Variants in HAP1 observed in about 807,000 individuals in gnomAD.
HAP1 encodes huntingtin associated protein 1, also known as huntingtin-associated protein 1.
A neutral mutation model predicts 60.3 loss-of-function variants in HAP1; 59 were observed. That is an observed-to-expected ratio of 0.98 (90% CI 0.79 to 1.22). The LOEUF is 1.22. HAP1 is among the 50% of genes most tolerant of loss of function. The probability of loss-of-function intolerance (pLI) is 0.00; values close to 1 mark genes in which losing one functional copy is unlikely to be tolerated. For missense variants in HAP1, 825 were observed against 785.3 expected (o/e 1.05, Z -0.60); for synonymous variants, 346 against 330.6 (o/e 1.05, Z -0.50).
At chr17:41,729,762 G>C (rs1185135240) in intron 6 of HAP1, among the ~76,000 whole-genome samples, 3 of 149,132 alleles carry the variant, frequency 2.0e-5, no homozygotes, top group Non-Finnish European at 4.4e-5. Flanking sequence ...TGTAATCCCA[G>C]CTACTCAGGA....
intron 8 of HAP1, 29 bp downstream of exon 8, chr17:41,727,733 T>C: frequency 6.6e-7 from 1 of 1,522,442 alleles, no homozygotes; most frequent in Non-Finnish European, 9.1e-7. Context: ...CTCTCCAGGG[T>C]GGGGGCAGAA....
chr17:41,734,083 G>A (rs1314285034), intron 1 of HAP1, 83 bp downstream of exon 1: 4 of 1,113,928 alleles, frequency 3.6e-6, no homozygotes, highest in East Asian at 2.5e-5. Context: ...GAGGGGGCGG[G>A]GTGCCTGGAC....
chr17:41,729,138 A>C (rs1597742287), intron 6 of HAP1, among the ~76,000 whole-genome samples: 1 of 149,378 alleles, frequency 6.7e-6, no homozygotes, highest in East Asian at 2.1e-4. Context: ...ACGGGGTTTC[A>C]CCATGTTGGC....
intron 1 of HAP1, among the ~76,000 whole-genome samples, chr17:41,733,038 G>GTTT (rs10679002): frequency 0.25 from 26,331 of 106,300 alleles, 3,239 homozygotes; most frequent in Non-Finnish European, 0.29. Flanking sequence ...GTTTTTTTTG[G>GTTT]TTTTTTTTTT....
chr17:41,731,499 G>A lies in HAP1; in HGVS notation c.1063C>T (p.Gln355Ter). ...GAGTGACAACATTACGTACAAAACTGCTCCACACACTCCAGAATGAGCATC... is the reference window on the plus strand; with the variant it reads ...GAGTGACAACATTACGTACAAAACTACTCCACACACTCCAGAATGAGCATC... Reference protein sequence around the residue: ...EQMLILECVEQFSEASQQMAE... With the variant: ...EQMLILECVE Residue 355 changes from glutamine to a stop codon, truncating the protein, a stop_gained, in exon 6 of 11, where the codon CAG becomes TAG. Transcript: ENST00000347901. LOFTEE classifies it high-confidence loss of function. 1 of 1,606,928 alleles carries A rather than the reference G, an allele frequency of 6.2e-7. No individual in the cohort carries two copies. Among genetic ancestry groups the A allele is most frequent in the South Asian group, 1.1e-5 (1 of 90,952 alleles).
intron 4 of HAP1, 81 bp downstream of exon 4, chr17:41,731,856 C>T (rs897665689): frequency 8.4e-6 from 7 of 830,722 alleles, no homozygotes; most frequent in Admixed American, 8.1e-5. Context: ...TGCCAGCAAG[C>T]ACATCACCTG....
chr17:41,722,572 C>T (rs936774897), downstream of HAP1: 1 of 152,308 alleles, frequency 6.6e-6, no homozygotes, highest in African/African-American at 2.4e-5. Context: ...AGCATCCACC[C>T]TTTCTCTACA....
Position 41,731,445 on chromosome 17 carries a change from C to T in HAP1, c.1069+48G>A, listed in dbSNP as rs202180597. 2.8e-5 allele frequency: 37 copies of T among 1,310,040 alleles called. 1 individual carries two copies. In the East Asian group the frequency reaches 8.0e-4, roughly 28 times the overall value. 81.2% of individuals were successfully genotyped at this position (1,310,040 alleles called of 1,614,324 possible). A position where few individuals can be genotyped will look rare whatever the true frequency, so the allele number is the denominator to read the frequency against. On this transcript the variant is annotated intron_variant, in intron 6 of 10. Coordinates refer to ENST00000347901, the MANE Select transcript of HAP1 (RefSeq NM_177977.3). The stretch of plus-strand genomic sequence containing the variant: ...CATACTCCACATCTTGAGTTCTTTT[C>T]TCTGCTCCTTGGGACAACCCCCCAC...
chr17:41,718,842 T>C (rs1247941315), downstream of HAP1, among the ~76,000 whole-genome samples: 1 of 152,246 alleles, frequency 6.6e-6, no homozygotes, highest in Non-Finnish European at 1.5e-5. Context: ...GGAGAAAGTC[T>C]ATGAGGAGCA....
In HAP1 at chr17:41,724,770, C is replaced by T. The variant is rs1421005944; in HGVS notation, c.1791G>A (p.Gln597=). ...YRRQLRWKML[Q]KGECPHGALP... is the part of the protein sequence containing the mutation. ...GGGCCCCGTGGGGGCACTCACCTTTCTGGAGCATCTTCCACCTCAGCTGCC... is the reference window on the plus strand; with the variant it reads ...GGGCCCCGTGGGGGCACTCACCTTTTTGGAGCATCTTCCACCTCAGCTGCC... Residue 597 remains glutamine (Q), a synonymous_variant, in exon 11 of 11, where the codon CAG becomes CAA. Coordinates refer to ENST00000347901, the MANE Select transcript of HAP1 (RefSeq NM_177977.3). 3 of 1,610,050 alleles carry T rather than the reference C, an allele frequency of 1.9e-6. No individual in the cohort carries two copies. In the African/African-American group the frequency reaches 4.0e-5, roughly 21 times the overall value.
chr17:41,726,625 G>A (rs1347183102), intron 9 of HAP1, among the ~76,000 whole-genome samples: 3 of 151,988 alleles, frequency 2.0e-5, no homozygotes, highest in African/African-American at 7.2e-5. Flanking sequence ...CACTTTGGGA[G>A]GCTGAGGCGG....
chr17:41,732,550 G>T, intron 2 of HAP1, 156 bp from the exon 3 acceptor site: 1 of 951,870 alleles, frequency 1.1e-6, no homozygotes, highest in Non-Finnish European at 1.6e-6. Flanking sequence ...GACCAGATTG[G>T]CTCTGAGAGC....
chr17:41,726,655 G>A (rs1374823439), intron 9 of HAP1, among the ~76,000 whole-genome samples: 1 of 151,918 alleles, frequency 6.6e-6, no homozygotes, highest in Non-Finnish European at 1.5e-5. Flanking sequence ...CTGAGGTCAG[G>A]AGCTTGAGAC....
chr17:41,732,388 G>A lies in HAP1; in HGVS notation c.556C>T (p.Pro186Ser). ...TAGGTAACGCTCTCCCAGACAGGTG[G>A]GAGAAGCTGGGGGGGACACAGGGGT... ...VMLYLLEELL[P>S]PVWESVTYGM... The change falls in exon 3 of 11, where the codon CCA (proline) becomes TCA (serine). Residue 186 changes from proline to serine, a missense_variant. By Grantham distance (74) the Pro-to-Ser change is moderately conservative. Transcript: ENST00000347901. 19 of 1,613,982 alleles carry A rather than the reference G, an allele frequency of 1.2e-5. No individual in the cohort carries two copies. The highest frequency in any genetic ancestry group is 1.6e-5 in the Non-Finnish European group (19 of 1,179,972).
At position 41,728,235 on chromosome 17, in the gene HAP1, G is replaced by C; in HGVS notation, c.1166C>G (p.Ala389Gly). 1 of 1,613,084 alleles carries C rather than the reference G, an allele frequency of 6.2e-7. No individual in the cohort carries two copies. The highest frequency in any genetic ancestry group is 8.5e-7 in the Non-Finnish European group (1 of 1,180,010). The change falls in exon 7 of 11, where the codon GCC (alanine) becomes GGC (glycine). Residue 389 changes from alanine (A) to glycine (G), a missense_variant. Coordinates refer to ENST00000347901, the MANE Select transcript of HAP1 (RefSeq NM_177977.3). ...GCGCTGCTGCAGCTTCAGCACCTGG[G>C]CCTGCAGCCGAGCGACCTCCTGCTG... ...RQQQEVARLQ[A>G]QVLKLQQRCR...
intron 1 of HAP1, among the ~76,000 whole-genome samples, chr17:41,733,594 A>T (rs376333581): frequency 1.6e-3 from 238 of 152,024 alleles, no homozygotes; most frequent in Middle Eastern, 0.014. Flanking sequence ...GCGTGTGCAG[A>T]GGACAGGAGG....
chr17:41,725,188 TG>T (rs782019373), intron 10 of HAP1, 34 bp from the exon 11 acceptor site: 1 of 1,527,606 alleles, frequency 6.5e-7, no homozygotes, highest in East Asian at 2.3e-5. Context: ...TTTGAGGGGC[TG>T]GAAAGTCCAA....
chr17:41,726,963 G>A (rs184066883), intron 9 of HAP1, 90 bp downstream of exon 9: 10 of 676,328 alleles, frequency 1.5e-5, no homozygotes, highest in Admixed American at 1.2e-4. Flanking sequence ...GTATAGGGAA[G>A]CGTGGAAGGT....
rs1911589996 is a variant in HAP1, at chr17:41,725,891, A to AT, written c.1373dup (p.Tyr458Ter). Reference sequence around the variant, plus strand: ...TGGATGTGTCCCCTCTGGGCATCTCATAATTCCTTCAAAGAGAAAAGGACC... The same window carrying AT: ...TGGATGTGTCCCCTCTGGGCATCTCATTAATTCCTTCAAAGAGAAAAGGACC... ...SDPVYFMERN[Y>*]EMPRGDTSSL... The change falls in exon 10 of 11, where the codon TAT becomes TAAT. Residue 458 changes from tyrosine (Y) to a stop codon, truncating the protein, a stop_gained and frameshift_variant. Transcript: ENST00000347901. LOFTEE classifies it low-confidence loss of function (END_TRUNC). 6.2e-7 allele frequency: 1 copy of AT among 1,611,958 alleles called. No homozygotes were observed. The highest frequency in any genetic ancestry group is 1.3e-5 in the African/African-American group (1 of 75,028).
Sources: allele counts gnomAD v4.1 joint callset (sites outside exome capture counted in the v4.1 genomes callset), GRCh38; gene constraint gnomAD v4.1.1; transcripts MANE v1.5; gene names NCBI Gene and HGNC (gene_info 2026-07-23, HGNC 2026-07-21).